Variants in PXDNL observed in about 807,000 individuals in gnomAD.
PXDNL encodes peroxidasin like.
In PXDNL, 145 loss-of-function variants were observed where a neutral mutation model predicts 150.8. The ratio of observed to expected loss-of-function variants is 0.96; its 90% CI spans 0.84 to 1.10. The LOEUF is 1.10. PXDNL is among the 50% of genes least tolerant of loss of function. The pLI, the probability that PXDNL is intolerant of heterozygous loss-of-function variation, is 0.00. For missense variants in PXDNL, 2,087 were observed against 1,873.9 expected (o/e 1.11, Z -2.10); for synonymous variants, 757 against 725.7 (o/e 1.04, Z -0.69).
chr8:51,575,786 G>A (rs1206229748), intron 3 of PXDNL, among the ~76,000 whole-genome samples: 1 of 151,972 alleles, frequency 6.6e-6, no homozygotes, highest in Non-Finnish European at 1.5e-5. Flanking sequence ...TAAGAAAAAT[G>A]AGTTCAAGTA....
intron 4 of PXDNL, among the ~76,000 whole-genome samples, chr8:51,554,251 G>C (rs1477981515): frequency 2.0e-5 from 3 of 152,104 alleles, no homozygotes; most frequent in South Asian, 2.1e-4. Flanking sequence ...TGGGAATTTG[G>C]GGGGCAGAGA....
chr8:51,416,889 A>G (rs1234808595), intron 14 of PXDNL, among the ~76,000 whole-genome samples: 1 of 152,258 alleles, frequency 6.6e-6, no homozygotes, highest in African/African-American at 2.4e-5. Flanking sequence ...AACATTCTTG[A>G]TAATAAAGCT....
intron 2 of PXDNL, among the ~76,000 whole-genome samples, chr8:51,609,640 G>A (rs1461103648): frequency 6.6e-6 from 1 of 152,172 alleles, no homozygotes; most frequent in Non-Finnish European, 1.5e-5. Context: ...GACAAATGCA[G>A]GTGGAAGGAT....
intron 1 of PXDNL, among the ~76,000 whole-genome samples, chr8:51,659,857 GTATTTATTTATTTATTTATTTATT>G (rs35068146): frequency 3.4e-5 from 5 of 146,036 alleles, no homozygotes; most frequent in Middle Eastern, 3.4e-3. Context: ...ACAAATTGCA[GTATTTATTTATTTATTTATTTATT>G]TATTTATTTA....
chr8:51,369,575 T>A (rs1014109791), intron 19 of PXDNL, among the ~76,000 whole-genome samples: 2 of 152,160 alleles, frequency 1.3e-5, no homozygotes, highest in African/African-American at 4.8e-5. Context: ...TACATTAGGA[T>A]TGGAACTACA....
At chr8:51,603,145 G>T (rs1813762603) in intron 2 of PXDNL, among the ~76,000 whole-genome samples, 1 of 151,718 alleles carries the variant, frequency 6.6e-6, no homozygotes, top group Non-Finnish European at 1.5e-5. Context: ...TAGACATACT[G>T]CAATGGAAAT....
At chr8:51,796,315 GGA>G (rs2037559553) in intron 1 of PXDNL, among the ~76,000 whole-genome samples, 1 of 149,648 alleles carries the variant, frequency 6.7e-6, no homozygotes, top group South Asian at 2.1e-4. Context: ...GGAAATGAAA[GGA>G]GATAGAGACA....
chr8:51,803,601 C>T (rs1438651575), intron 1 of PXDNL, among the ~76,000 whole-genome samples: 1 of 152,160 alleles, frequency 6.6e-6, no homozygotes, highest in Non-Finnish European at 1.5e-5. Context: ...TCTGTCTCTT[C>T]CCTCCTTTTC....
intron 1 of PXDNL, among the ~76,000 whole-genome samples, chr8:51,656,952 A>T (rs1287078156): frequency 1.3e-5 from 2 of 151,976 alleles, no homozygotes; most frequent in Non-Finnish European, 2.9e-5. Flanking sequence ...TAAATATAAG[A>T]TGAAATGTAA....
intron 5 of PXDNL, 49 bp downstream of exon 5, chr8:51,499,650 T>A (rs778704976): frequency 2.8e-6 from 4 of 1,432,170 alleles, no homozygotes; most frequent in Non-Finnish European, 3.9e-6. Flanking sequence ...GTTGTATAAA[T>A]GGAAAATGTA....
rs202224706 is a variant in PXDNL at position 51,613,202 on chromosome 8, C to CA, written c.237-20505dup. On this transcript the variant is annotated intron_variant, in intron 2 of 22. Coordinates refer to ENST00000356297, the MANE Select transcript of PXDNL (RefSeq NM_144651.5). The stretch of plus-strand genomic sequence containing the variant: ...ACCAGAGGATGCTGTCACTGTTCAC[C>CA]AAAAAAAATATATATATATGTATAT... Among the ~76,000 whole-genome samples the CA allele has an allele frequency of 5.6e-3, 848 of 150,512 alleles. 5 individuals carry two copies. The highest frequency in any genetic ancestry group is 0.017 in the Middle Eastern group (5 of 292).
intron 12 of PXDNL, among the ~76,000 whole-genome samples, chr8:51,440,797 A>G (rs72638018): frequency 3.9e-5 from 6 of 152,158 alleles, no homozygotes; most frequent in African/African-American, 1.4e-4. Context: ...CAGCTGTCTT[A>G]GTGTTGCTGC....
chr8:51,687,666 A>G (rs1322524387), intron 1 of PXDNL, among the ~76,000 whole-genome samples: 1 of 152,222 alleles, frequency 6.6e-6, no homozygotes, highest in East Asian at 1.9e-4. Flanking sequence ...CCAGAGATTG[A>G]AGTTCTTGTG....
At chr8:51,395,284 A>C (rs1808047062) in intron 17 of PXDNL, among the ~76,000 whole-genome samples, 1 of 152,220 alleles carries the variant, frequency 6.6e-6, no homozygotes, top group Non-Finnish European at 1.5e-5. Flanking sequence ...CTCTCAGAGG[A>C]CTGGGATGGG....
chr8:51,556,973 A>G, intron 3 of PXDNL, 62 bp from the exon 4 acceptor site: 1 of 984,986 alleles, frequency 1.0e-6, no homozygotes, highest in African/African-American at 1.6e-5. Context: ...TGTCTTAGAT[A>G]CAAACTTTTT....
intron 20 of PXDNL, among the ~76,000 whole-genome samples, chr8:51,341,468 A>C (rs1477311416): frequency 6.6e-6 from 1 of 152,074 alleles, no homozygotes; most frequent in African/African-American, 2.4e-5. Context: ...TTTCATGATG[A>C]TACTTAATAT....
intron 1 of PXDNL, among the ~76,000 whole-genome samples, chr8:51,705,393 T>C (rs1816356177): frequency 6.6e-6 from 1 of 152,236 alleles, no homozygotes; most frequent in Non-Finnish European, 1.5e-5. Context: ...ATATTGCTAA[T>C]AAAACATCCA....
chr8:51,477,715 C>T (rs1392820391), intron 6 of PXDNL, among the ~76,000 whole-genome samples: 1 of 152,218 alleles, frequency 6.6e-6, no homozygotes, highest in Non-Finnish European at 1.5e-5. Context: ...TGTGAATACA[C>T]ATCCCCTGGG....
In PXDNL at chr8:51,350,354, C is replaced by CTTTTT. The variant is rs1163628780; in HGVS notation, c.3902-4412_3902-4408dup. Among the ~76,000 whole-genome samples, 721 of 77,388 alleles carry CTTTTT rather than the reference C, an allele frequency of 9.3e-3. 13 individuals are homozygous for CTTTTT. Among genetic ancestry groups the CTTTTT allele is most frequent in the East Asian group, 0.015 (32 of 2,140 alleles). 50.8% of individuals were successfully genotyped at this position (77,388 alleles called of 152,430 possible). ...AGTCTTTTATTAGCAAATGCAGCTT[C>CTTTTT]TTTTTTTTTTTTTTTTTTTTTTGAG... On this transcript the variant is annotated intron_variant, in intron 19 of 22. Coordinates refer to ENST00000356297, the MANE Select transcript of PXDNL (RefSeq NM_144651.5).
Sources: allele counts gnomAD v4.1 joint callset (sites outside exome capture counted in the v4.1 genomes callset), GRCh38; gene constraint gnomAD v4.1.1; transcripts MANE v1.5; gene names NCBI Gene and HGNC (gene_info 2026-07-23, HGNC 2026-07-21).